Variants in DHTKD1 observed in about 807,000 individuals in gnomAD.
DHTKD1 encodes the protein 2-oxoadipate dehydrogenase complex component E1.
Under a neutral mutation model 101.8 loss-of-function variants are expected in DHTKD1, and 78 were observed. That is an observed-to-expected ratio of 0.77 (90% CI 0.64 to 0.93). DHTKD1 has a LOEUF of 0.93. DHTKD1 is among the 40% of genes least tolerant of loss of function. The pLI, the probability that DHTKD1 is intolerant of heterozygous loss-of-function variation, is 0.00. For synonymous variants in DHTKD1, 462 were observed against 450.3 expected, an observed-to-expected ratio of 1.03 and a Z score of -0.33; for missense variants, 1,223 against 1,161.7, an observed-to-expected ratio of 1.05 and a Z score of -0.77.
At chr10:12,109,481 A>G (rs1226929237) in intron 12 of DHTKD1, among the ~76,000 whole-genome samples, 1 of 151,250 alleles carries the variant, frequency 6.6e-6, no homozygotes. Context: ...TGACATTGAC[A>G]GTCATGAGTC....
chr10:12,102,700 AT>A (rs1181856550), intron 10 of DHTKD1, among the ~76,000 whole-genome samples: 11 of 152,074 alleles, frequency 7.2e-5, no homozygotes, highest in Admixed American at 1.3e-4. Flanking sequence ...ACTGTTGAAG[AT>A]TTAATTTAGT....
At chr10:12,086,147 C>T (rs968464531) in intron 3 of DHTKD1, among the ~76,000 whole-genome samples, 2 of 150,174 alleles carry the variant, frequency 1.3e-5, no homozygotes, top group South Asian at 2.1e-4. Context: ...GGATTACAGG[C>T]GTGAGCCACC....
In DHTKD1 at chr10:12,084,768, A is replaced by AGGCC. The variant is rs1564390168; in HGVS notation, c.522+20_522+23dup. The AGGCC allele has an allele frequency of 6.2e-7, 1 of 1,612,116 alleles. No individual in the cohort carries two copies. Among genetic ancestry groups the AGGCC allele is most frequent in the African/African-American group, 1.3e-5 (1 of 74,982 alleles). ...GAATCTCAGGTAAAAAGGAGCATCT[A>AGGCC]GGCCGGGCACGGTGGCTCATGCCTG... On this transcript the variant is annotated intron_variant, in intron 3 of 16. Transcript: ENST00000263035.
chr10:12,093,800 T>C (rs564925185), intron 6 of DHTKD1, among the ~76,000 whole-genome samples: 5 of 152,236 alleles, frequency 3.3e-5, no homozygotes, highest in African/African-American at 4.8e-5. Flanking sequence ...TGTTTGTGCA[T>C]TCACTCATCG....
intron 13 of DHTKD1, among the ~76,000 whole-genome samples, chr10:12,113,446 C>T (rs190490009): frequency 1.6e-3 from 249 of 152,344 alleles, no homozygotes; most frequent in African/African-American, 4.6e-3. Context: ...GATTCGCCCG[C>T]CTCGGCCTCC....
rs1833270676 is a variant in DHTKD1, at chr10:12,107,656, G to GATCT, written c.2048-249_2048-246dup. 6.6e-6 allele frequency among the ~76,000 whole-genome samples: 1 copy of GATCT among 151,972 alleles called. No individual in the cohort carries two copies. Among genetic ancestry groups the GATCT allele is most frequent in the African/African-American group, 2.4e-5 (1 of 41,386 alleles). The stretch of plus-strand genomic sequence containing the variant: ...TGGTCTCGAACACCTGACCTCAAGT[G>GATCT]ATCTATCCGCCTCAGCCTCCCAAAG... On this transcript the variant is annotated intron_variant, in intron 11 of 16. Transcript: ENST00000263035. The surrounding 1 kb of genome is among the most constrained non-coding windows in gnomAD (Gnocchi z 4.1).
rs935863867 is a variant in DHTKD1, at chr10:12,122,654, A to AAAAAG, written c.*1774_*1778dup. ...AAATAGAAAGAGAGAGAGAGGAAAA[A>AAAAAG]AAAAGAAAAGAACACTTCTTTATTT... On this transcript the variant is annotated 3_prime_UTR_variant, in exon 17 of 17. Transcript: ENST00000263035. 1 of 152,086 alleles carries AAAAAG rather than the reference A, an allele frequency of 6.6e-6. No homozygotes were observed. Among genetic ancestry groups the AAAAAG allele is most frequent in the Non-Finnish European group, 1.5e-5 (1 of 68,022 alleles). 9.4% of individuals were successfully genotyped at this position (152,086 alleles called of 1,614,324 possible).
At chr10:12,099,877 A>G (rs1354859629) in intron 8 of DHTKD1, among the ~76,000 whole-genome samples, 3 of 145,410 alleles carry the variant, frequency 2.1e-5, no homozygotes, top group Non-Finnish European at 4.5e-5. Context: ...GCTCACTGCA[A>G]CCTCCGCCTC....
In DHTKD1 at chr10:12,103,491, CTGTGTGTGTG is replaced by C. The variant is rs55809304; in HGVS notation, c.1896+2338_1896+2347del. On this transcript the variant is annotated intron_variant, in intron 10 of 16. Transcript: ENST00000263035. This position sits in a 1 kb window ranked among gnomAD's most constrained non-coding sequence, Gnocchi z 4.8. ...CCCCAACTTCGTTGTACATCTCAAT[CTGTGTGTGTG>C]TGTGTGTGTGTGTGTGTGTGTGTGT... Among the ~76,000 whole-genome samples, 1,465 of 144,978 alleles carry C rather than the reference CTGTGTGTGTG, an allele frequency of 0.01. 32 individuals are homozygous for C. The highest frequency in any genetic ancestry group is 0.035 in the African/African-American group (1,376 of 39,360).
In DHTKD1 at chr10:12,091,566, G is replaced by A. The variant is rs181104203; in HGVS notation, c.1041G>A (p.Thr347=). Residue 347 remains threonine (T), a synonymous_variant, in exon 6 of 17, where the codon ACG becomes ACA. Transcript: ENST00000263035. ...AAGGGATTGTTCCTGAAACATTCAC[G>A]CTGTCCAATCTCCCACATTTCAGAA... is the stretch of plus-strand genomic sequence containing the variant. ...CGQGIVPETF[T]LSNLPHFRIG... 2.9e-4 allele frequency: 466 copies of A among 1,612,714 alleles called. 2 individuals are homozygous for A. The highest frequency in any genetic ancestry group is 2.1e-4 in the Non-Finnish European group (243 of 1,179,834).
chr10:12,093,103 G>A (rs1833016885), intron 6 of DHTKD1, among the ~76,000 whole-genome samples: 1 of 151,314 alleles, frequency 6.6e-6, no homozygotes, highest in Non-Finnish European at 1.5e-5. Context: ...CAGTGCAATG[G>A]CGCCATCTCG....
rs1334285663 is a variant in DHTKD1, at chr10:12,122,489, GT to G, written c.*1602del. The G allele has an allele frequency of 6.6e-6, 1 of 152,200 alleles. No individual in the cohort carries two copies. Among genetic ancestry groups the G allele is most frequent in the Non-Finnish European group, 1.5e-5 (1 of 68,120 alleles). 9.4% of individuals were successfully genotyped at this position (152,200 alleles called of 1,614,324 possible). A position where few individuals can be genotyped will look rare whatever the true frequency, so the allele number is the denominator to read the frequency against. ...AAAAATTAGCTGGGCGTGGTGGTGG[GT>G]GTCTGTAATCCCAGCTATTCGGGAG... On this transcript the variant is annotated 3_prime_UTR_variant, in exon 17 of 17. Coordinates refer to ENST00000263035, the MANE Select transcript of DHTKD1 (RefSeq NM_018706.7).
chr10:12,088,445 C>T (rs1226984720), intron 4 of DHTKD1, among the ~76,000 whole-genome samples: 3 of 151,116 alleles, frequency 2.0e-5, no homozygotes, highest in Non-Finnish European at 2.9e-5. Flanking sequence ...GCCCTCCAGC[C>T]TGGAAGACAG....
chr10:12,075,059 C>T (rs60075120), intron 1 of DHTKD1, among the ~76,000 whole-genome samples: 3 of 152,000 alleles, frequency 2.0e-5, no homozygotes, highest in South Asian at 2.1e-4. Context: ...TGCAGTGAGC[C>T]GAGATGGTGC....
rs1588615590 is a variant in DHTKD1 at position 12,106,386 on chromosome 10, C to G, written c.2037C>G (p.Phe679Leu). The G allele has an allele frequency of 6.2e-7, 1 of 1,614,170 alleles. No individual in the cohort carries two copies. The highest frequency in any genetic ancestry group is 8.5e-7 in the Non-Finnish European group (1 of 1,180,030). Residue 679 changes from phenylalanine (F) to leucine (L), a missense_variant, in exon 11 of 17, where the codon TTC (phenylalanine) becomes TTG (leucine). Phe to Leu is a conservative substitution (Grantham distance 22). Transcript: ENST00000263035. ...GTGCCCAGATCATCTTTGACACATT[C>G]ATCTCTGGAGGTTGGTGTCAGCGTA... ...FNGAQIIFDT[F>L]ISGGEAKWLL...
chr10:12,122,996 C>T lies in DHTKD1; in HGVS notation c.*2108C>T, dbSNP rs1294169374. On this transcript the variant is annotated 3_prime_UTR_variant, in exon 17 of 17. Transcript: ENST00000263035. ...CAGTGGTAGATTTATGATTCACATC[C>T]GAAAGTGTGCCTTAGTTATCAATTT... 1 of 152,144 alleles carries T rather than the reference C, an allele frequency of 6.6e-6. No homozygotes were observed. The highest frequency in any genetic ancestry group is 1.9e-4 in the East Asian group (1 of 5,198). 9.4% of individuals were successfully genotyped at this position (152,144 alleles called of 1,614,324 possible).
chr10:12,086,426 A>T (rs1394076455), intron 3 of DHTKD1, among the ~76,000 whole-genome samples: 5 of 150,704 alleles, frequency 3.3e-5, no homozygotes, highest in Non-Finnish European at 7.4e-5. Flanking sequence ...TCACTGTGTT[A>T]GTCAGGATGG....
chr10:12,078,195 C>T (rs1406855847), intron 1 of DHTKD1, among the ~76,000 whole-genome samples: 3 of 151,766 alleles, frequency 2.0e-5, no homozygotes, highest in African/African-American at 4.8e-5. Flanking sequence ...GAGGCCGAGG[C>T]GGGTGGATCA....
chr10:12,104,263 C>T (rs923949397), intron 10 of DHTKD1, among the ~76,000 whole-genome samples: 2 of 152,160 alleles, frequency 1.3e-5, no homozygotes, highest in African/African-American at 4.8e-5. Flanking sequence ...ACTGCAACCT[C>T]AGATTCCTAG....
Sources: gnomAD v4.1 joint callset for allele counts (sites outside exome capture counted in the v4.1 genomes callset) on GRCh38, gnomAD v4.1.1 for gene constraint, Gnocchi (gnomAD v3.1) non-coding constraint, MANE v1.5 for transcripts, NCBI Gene and HGNC (gene_info 2026-07-23, HGNC 2026-07-21) for gene names.